FRMD5: variants seen among roughly 807,000 people sequenced by gnomAD.
FRMD5 encodes FERM domain-containing protein 5.
Under a neutral mutation model 69.0 loss-of-function variants are expected in FRMD5, and 20 were observed. The ratio of observed to expected loss-of-function variants is 0.29; its 90% confidence interval spans 0.20 to 0.42. The LOEUF is 0.42. Ranked by LOEUF, FRMD5 falls within the 10% of genes least tolerant of loss-of-function variation. FRMD5 has a pLI of 1.00. For synonymous variants in FRMD5, 271 were observed against 260.1 expected, an observed-to-expected ratio of 1.04 and a Z score of -0.40; for missense variants, 595 against 708.6, an observed-to-expected ratio of 0.84 and a Z score of 1.82.
In FRMD5 at chr15:44,140,652, G is replaced by A. The variant is rs561961733; in HGVS notation, c.102+54301C>T. On this transcript the variant is annotated intron_variant, in intron 1 of 13. Transcript: ENST00000417257. ...CCAGCACTTTAGGAGGCCGAGGCAG[G>A]TGGATCACTTGAGCTCAAGAGTTGG... Among the ~76,000 whole-genome samples the A allele has an allele frequency of 1.6e-3, 237 of 152,152 alleles. 2 individuals are homozygous for A. The highest frequency in any genetic ancestry group is 5.5e-3 in the African/African-American group (228 of 41,532).
intron 1 of FRMD5, among the ~76,000 whole-genome samples, chr15:43,977,262 T>C (rs958810393): frequency 2.0e-5 from 3 of 152,198 alleles, no homozygotes; most frequent in African/African-American, 7.2e-5. Flanking sequence ...TGTTAAGGTA[T>C]GGGTGAGGTT....
chr15:44,039,583 C>G (rs1049155341), intron 1 of FRMD5, among the ~76,000 whole-genome samples: 1 of 152,150 alleles, frequency 6.6e-6, no homozygotes, highest in African/African-American at 2.4e-5. Context: ...GAAGAGGGGC[C>G]TGGCTGTTAG....
chr15:43,939,096 CCT>C (rs2089816326), intron 1 of FRMD5, among the ~76,000 whole-genome samples: 2 of 151,994 alleles, frequency 1.3e-5, no homozygotes, highest in South Asian at 4.2e-4. Flanking sequence ...GTCTCGAACC[CCT>C]GACCTCAGGT....
At chr15:44,151,148 A>G (rs954295635) in intron 1 of FRMD5, among the ~76,000 whole-genome samples, 2 of 152,174 alleles carry the variant, frequency 1.3e-5, no homozygotes, top group African/African-American at 4.8e-5. Context: ...CTGTAATCCC[A>G]GCACTTTGGG....
intron 1 of FRMD5, among the ~76,000 whole-genome samples, chr15:44,165,455 C>A (rs12910886): frequency 0.84 from 127,505 of 152,152 alleles, 54,947 homozygotes; most frequent in East Asian, 0.95. Context: ...AAAATCAACC[C>A]AAGTTGGGTG....
intron 1 of FRMD5, among the ~76,000 whole-genome samples, chr15:43,925,821 A>G (rs912227187): frequency 3.3e-5 from 5 of 151,958 alleles, no homozygotes; most frequent in Non-Finnish European, 5.9e-5. Context: ...AGCCACTCCT[A>G]TTTTTTGAGG....
intron 1 of FRMD5, among the ~76,000 whole-genome samples, chr15:44,039,428 G>A (rs907187421): frequency 3.3e-5 from 5 of 152,146 alleles, no homozygotes; most frequent in Non-Finnish European, 2.9e-5. Context: ...GAGAGCTCTC[G>A]CTGGCAACTG....
intron 1 of FRMD5, among the ~76,000 whole-genome samples, chr15:44,137,369 G>A (rs1472206005): frequency 3.9e-5 from 6 of 152,218 alleles, no homozygotes; most frequent in Non-Finnish European, 8.8e-5. Context: ...GCCCATGGCT[G>A]CAATTTGGGG....
intron 1 of FRMD5, among the ~76,000 whole-genome samples, chr15:44,017,863 C>T (rs139229889): frequency 0.019 from 2,884 of 152,154 alleles, 86 homozygotes; most frequent in African/African-American, 0.066. Context: ...CCCGCCTCAT[C>T]CTCCCAAAGT....
chr15:43,980,774 A>G (rs1219033044), intron 1 of FRMD5, among the ~76,000 whole-genome samples: 4 of 152,166 alleles, frequency 2.6e-5, no homozygotes, highest in Non-Finnish European at 5.9e-5. Context: ...ATTTCAGTAA[A>G]GTTAAAGCTG....
chr15:43,875,653 T>C (rs1210936949), intron 13 of FRMD5, among the ~76,000 whole-genome samples: 1 of 151,480 alleles, frequency 6.6e-6, no homozygotes, highest in Non-Finnish European at 1.5e-5. Context: ...AATTTTTTTA[T>C]TTTGAGTAGA....
intron 1 of FRMD5, among the ~76,000 whole-genome samples, chr15:43,957,717 T>C (rs1566861132): frequency 6.6e-6 from 1 of 152,254 alleles, no homozygotes; most frequent in East Asian, 1.9e-4. Flanking sequence ...GAAAGCATTA[T>C]CACTTTTATT....
In FRMD5 at chr15:44,195,115, C is replaced by A; in HGVS notation, c.-61G>T. 1.5e-6 allele frequency: 2 copies of A among 1,374,170 alleles called. No homozygotes were observed. The highest frequency in any genetic ancestry group is 1.9e-6 in the Non-Finnish European group (2 of 1,030,018). The allele number at this position is 1,374,170 out of a possible 1,614,324, so 85.1% of individuals were successfully genotyped here. On this transcript the variant is annotated 5_prime_UTR_variant, in exon 1 of 14. The change creates a new upstream start codon in the 5' untranslated region. Coordinates refer to ENST00000417257, the MANE Select transcript of FRMD5 (RefSeq NM_032892.5). The stretch of plus-strand genomic sequence containing the variant: ...GCTGCGGACCCTGGACCAGGCGTCC[C>A]TCAGCCCGGCAGCTCCGCACCGACC...
chr15:43,876,253 CTTG>C (rs2088353599), intron 13 of FRMD5: 6 of 1,537,770 alleles, frequency 3.9e-6, no homozygotes, highest in South Asian at 3.5e-5. Context: ...ATCTTGGAAG[CTTG>C]TTGTTGAACT....
chr15:44,094,309 C>T (rs565698276), intron 1 of FRMD5, among the ~76,000 whole-genome samples: 6 of 152,270 alleles, frequency 3.9e-5, no homozygotes, highest in Admixed American at 2.6e-4. Context: ...CTCCTAGGTC[C>T]GGGCTGGCTT....
chr15:43,882,810 C>CT (rs561165000), intron 13 of FRMD5, among the ~76,000 whole-genome samples: 143 of 151,312 alleles, frequency 9.5e-4, no homozygotes, highest in Non-Finnish European at 1.7e-3. Context: ...GTGGAATCCT[C>CT]TTTTTTTTCT....
At chr15:43,920,318 G>A (rs2089471928) in intron 2 of FRMD5, among the ~76,000 whole-genome samples, 1 of 152,166 alleles carries the variant, frequency 6.6e-6, no homozygotes, top group African/African-American at 2.4e-5. Flanking sequence ...GGGATGGCTG[G>A]TATATATTCC....
At position 43,888,292 on chromosome 15, in the gene FRMD5, G is replaced by A. The variant is rs753039344; in HGVS notation, c.793-26C>T. 10 of 1,500,786 alleles carry A rather than the reference G, an allele frequency of 6.7e-6. No individual in the cohort carries two copies. In the East Asian group the frequency reaches 2.3e-4, roughly 34 times the overall value. 93.0% of individuals were successfully genotyped at this position (1,500,786 alleles called of 1,614,324 possible). The stretch of plus-strand genomic sequence containing the variant: ...CTGCAAAAAATTCCACATTGATATG[G>A]CTGAGTGTGGATGGAGAAGCAAAGG... On this transcript the variant is annotated intron_variant, in intron 9 of 13. Coordinates refer to ENST00000417257, the MANE Select transcript of FRMD5 (RefSeq NM_032892.5).
chr15:44,091,364 ACATG>A (rs2076470774), intron 1 of FRMD5, among the ~76,000 whole-genome samples: 1 of 152,142 alleles, frequency 6.6e-6, no homozygotes, highest in South Asian at 2.1e-4. Context: ...ACACACACGC[ACATG>A]CACACACACA....
Sources: gnomAD v4.1 joint callset for allele counts (sites outside exome capture counted in the v4.1 genomes callset) on GRCh38, gnomAD v4.1.1 for gene constraint, MANE v1.5 for transcripts, NCBI Gene and HGNC (gene_info 2026-07-23, HGNC 2026-07-21) for gene names.